SERGEF: variants seen among roughly 807,000 people sequenced by gnomAD.
SERGEF encodes secretion-regulating guanine nucleotide exchange factor.
Under a neutral mutation model 50.0 loss-of-function variants are expected in SERGEF, and 51 were observed. The ratio of observed to expected loss-of-function variants is 1.02; its 90% confidence interval spans 0.81 to 1.29. The LOEUF (loss-of-function observed/expected upper bound fraction) is 1.29, where lower values mean the gene tolerates loss of function less well. Ranked by LOEUF, SERGEF falls within the 50% of genes most tolerant of loss-of-function variation. The pLI, the probability that SERGEF is intolerant of heterozygous loss-of-function variation, is 0.00. For synonymous variants in SERGEF, 205 were observed against 212.4 expected, an observed-to-expected ratio of 0.97 and a Z score of 0.30; for missense variants, 521 against 557.0, an observed-to-expected ratio of 0.94 and a Z score of 0.65.
chr11:17,863,332 C>A (rs1279122047), intron 10 of SERGEF, among the ~76,000 whole-genome samples: 1 of 152,162 alleles, frequency 6.6e-6, no homozygotes, highest in Non-Finnish European at 1.5e-5. Flanking sequence ...TCCTAAATAA[C>A]CCACGATAGT....
chr11:17,949,972 A>G (rs1232868664), intron 9 of SERGEF, among the ~76,000 whole-genome samples: 1 of 152,212 alleles, frequency 6.6e-6, no homozygotes, highest in Non-Finnish European at 1.5e-5. Flanking sequence ...GCATGCAAAG[A>G]CCCAGAAGTA....
intron 9 of SERGEF, among the ~76,000 whole-genome samples, chr11:17,893,049 C>T (rs1240830494): frequency 6.6e-6 from 1 of 152,166 alleles, no homozygotes; most frequent in East Asian, 1.9e-4. Context: ...ATATGTTCAA[C>T]AGGAGAACAT....
At chr11:17,967,455 T>C (rs1036804916) in intron 8 of SERGEF, among the ~76,000 whole-genome samples, 2 of 152,224 alleles carry the variant, frequency 1.3e-5, no homozygotes, top group African/African-American at 4.8e-5. Context: ...TTGACCTATA[T>C]GGCAAAGGTC....
chr11:17,926,646 G>T (rs1039843371), intron 9 of SERGEF: 1 of 418,242 alleles, frequency 2.4e-6, no homozygotes, highest in Non-Finnish European at 4.8e-6. Context: ...CCTCCTTTAT[G>T]CCAGAGGTTC....
intron 8 of SERGEF, among the ~76,000 whole-genome samples, chr11:17,980,380 G>A (rs1853473266): frequency 6.6e-6 from 1 of 152,196 alleles, no homozygotes; most frequent in Non-Finnish European, 1.5e-5. Flanking sequence ...GCCCGTGCAA[G>A]TGACTTGTCA....
intron 9 of SERGEF, among the ~76,000 whole-genome samples, chr11:17,945,173 T>C (rs554410197): frequency 2.0e-5 from 3 of 152,258 alleles, no homozygotes; most frequent in African/African-American, 7.2e-5. Flanking sequence ...CTGAAAAACA[T>C]ACATAGCACA....
At chr11:17,817,199 A>C (rs1849990857) in intron 10 of SERGEF, among the ~76,000 whole-genome samples, 2 of 149,244 alleles carry the variant, frequency 1.3e-5, no homozygotes, top group South Asian at 2.1e-4. Context: ...TATTACTCTA[A>C]GCACTTTCCA....
intron 10 of SERGEF, among the ~76,000 whole-genome samples, chr11:17,841,209 C>T (rs1358522393): frequency 6.6e-6 from 1 of 152,192 alleles, no homozygotes; most frequent in Non-Finnish European, 1.5e-5. Context: ...TTGTGGCCTA[C>T]CCTTGGTGGC....
At chr11:17,822,555 G>A in intron 10 of SERGEF, among the ~76,000 whole-genome samples, 1 of 152,148 alleles carries the variant, frequency 6.6e-6, no homozygotes, top group East Asian at 1.9e-4. Context: ...GCAGCCTTTG[G>A]GGAAACCTCT....
At chr11:17,793,066 G>A (rs1849512483) in intron 10 of SERGEF, among the ~76,000 whole-genome samples, 1 of 152,172 alleles carries the variant, frequency 6.6e-6, no homozygotes, top group Admixed American at 6.5e-5. Flanking sequence ...TGTGATAATG[G>A]TACGTAGGTC....
At chr11:17,810,938 G>A (rs1323344537) in intron 10 of SERGEF, among the ~76,000 whole-genome samples, 3 of 152,154 alleles carry the variant, frequency 2.0e-5, no homozygotes, top group Non-Finnish European at 2.9e-5. Context: ...TTTTACATCC[G>A]AAAGAGATTT....
intron 9 of SERGEF, among the ~76,000 whole-genome samples, chr11:17,909,907 C>T (rs1426157167): frequency 6.6e-6 from 1 of 152,190 alleles, no homozygotes; most frequent in Non-Finnish European, 1.5e-5. Flanking sequence ...GAGTTGCATC[C>T]ACCCCTTAGG....
chr11:17,980,446 G>A (rs1193815377), intron 8 of SERGEF, among the ~76,000 whole-genome samples: 1 of 152,152 alleles, frequency 6.6e-6, no homozygotes, highest in East Asian at 1.9e-4. Context: ...GCACTGAGGG[G>A]TAAGTGATCT....
intron 9 of SERGEF, among the ~76,000 whole-genome samples, chr11:17,878,701 G>A (rs1851286028): frequency 1.3e-5 from 2 of 152,150 alleles, no homozygotes; most frequent in Non-Finnish European, 2.9e-5. Context: ...AGAAATGTTT[G>A]ACTTTTTCTC....
At chr11:18,011,803 C>T (rs1335645643) in intron 1 of SERGEF, among the ~76,000 whole-genome samples, 1 of 152,184 alleles carries the variant, frequency 6.6e-6, no homozygotes, top group Admixed American at 6.5e-5. Flanking sequence ...ATCCCCAACT[C>T]CACCCCCAGC....
At chr11:17,829,134 G>A (rs959705190) in intron 10 of SERGEF, among the ~76,000 whole-genome samples, 1 of 152,220 alleles carries the variant, frequency 6.6e-6, no homozygotes, top group African/African-American at 2.4e-5. Context: ...GTGCTGAACT[G>A]GAATCAGATA....
intron 10 of SERGEF, among the ~76,000 whole-genome samples, chr11:17,795,878 C>T (rs1849564133): frequency 6.6e-6 from 1 of 152,240 alleles, no homozygotes; most frequent in South Asian, 2.1e-4. Context: ...GTGGTGTTTA[C>T]TGTAGCACTG....
chr11:17,818,497 T>A (rs1056389504), intron 10 of SERGEF, among the ~76,000 whole-genome samples: 1 of 152,126 alleles, frequency 6.6e-6, no homozygotes, highest in African/African-American at 2.4e-5. Flanking sequence ...ATCACACAGA[T>A]AAGAAAATTG....
chr11:17,896,175 C>A (rs58951510), intron 9 of SERGEF, among the ~76,000 whole-genome samples: 8,941 of 151,880 alleles, frequency 0.059, 890 homozygotes, highest in African/African-American at 0.2. Flanking sequence ...AGATCATTGA[C>A]AAAATGAACC....
Sources: gnomAD v4.1 joint callset for allele counts (sites outside exome capture counted in the v4.1 genomes callset) on GRCh38, gnomAD v4.1.1 for gene constraint, MANE v1.5 for transcripts, NCBI Gene and HGNC (gene_info 2026-07-23, HGNC 2026-07-21) for gene names.